The following MACROD2 variants were observed in gnomAD, a reference collection of about 807,000 sequenced individuals.
MACROD2 encodes mono-ADP ribosylhydrolase 2, also known as ADP-ribose glycohydrolase MACROD2.
MACROD2 carries 36 observed loss-of-function variants against 70.4 expected under a neutral mutation model. That is an observed-to-expected ratio of 0.51 (90% CI 0.39 to 0.68). The LOEUF is 0.68. MACROD2 is among the 30% of genes least tolerant of loss of function. The pLI is 0.00. For missense variants in MACROD2, 496 were observed against 538.4 expected, an observed-to-expected ratio of 0.92 and a Z score of 0.78; for synonymous variants, 172 against 178.8, an observed-to-expected ratio of 0.96 and a Z score of 0.30.
chr20:15,473,385 G>A (rs755958274), intron 7 of MACROD2, among the ~76,000 whole-genome samples: 23 of 152,122 alleles, frequency 1.5e-4, no homozygotes, highest in Middle Eastern at 3.2e-3. Context: ...ATTATAAGAG[G>A]CAAACATCTA....
Position 14,078,467 on chromosome 20 carries a change from C to T in MACROD2, c.164-7154C>T, listed in dbSNP as rs144110247. Reference sequence around the variant, plus strand: ...TATCCCCCAGGCTGGAGTACAATGGCGCGATCTCGGCTCACTGCAACCTCC... The same window carrying T: ...TATCCCCCAGGCTGGAGTACAATGGTGCGATCTCGGCTCACTGCAACCTCC... On this transcript the variant is annotated intron_variant, in intron 2 of 17. Coordinates refer to ENST00000684519, the MANE Select transcript of MACROD2 (RefSeq NM_001351661.2). Among the ~76,000 whole-genome samples the T allele has an allele frequency of 9.1e-3, 1,380 of 151,178 alleles. 9 individuals are homozygous for T. The highest frequency in any genetic ancestry group is 0.024 in the Middle Eastern group (7 of 294).
intron 3 of MACROD2, among the ~76,000 whole-genome samples, chr20:14,429,407 C>T (rs967542696): frequency 2.0e-5 from 3 of 152,096 alleles, no homozygotes; most frequent in African/African-American, 7.2e-5. Flanking sequence ...AAGCATACAG[C>T]CTGATAACCA....
intron 3 of MACROD2, among the ~76,000 whole-genome samples, chr20:14,469,731 G>T (rs1341808757): frequency 6.6e-6 from 1 of 151,576 alleles, no homozygotes; most frequent in East Asian, 2.0e-4. Flanking sequence ...CTATTGATAA[G>T]GTATCATGCT....
intron 5 of MACROD2, among the ~76,000 whole-genome samples, chr20:15,105,894 G>A (rs2075907081): frequency 1.3e-5 from 2 of 152,212 alleles, no homozygotes; most frequent in Non-Finnish European, 2.9e-5. Flanking sequence ...GAACAGCGTG[G>A]TGCCTATAGG....
At chr20:14,994,835 A>T (rs950556989) in intron 5 of MACROD2, among the ~76,000 whole-genome samples, 1 of 152,178 alleles carries the variant, frequency 6.6e-6, no homozygotes, top group African/African-American at 2.4e-5. Flanking sequence ...ATGTTCCATT[A>T]TGACTTAGAT....
At chr20:14,323,450 G>C in intron 3 of MACROD2, 1 of 152,184 alleles carries the variant, frequency 6.6e-6, no homozygotes, top group East Asian at 1.9e-4. Context: ...CAATCTGGAA[G>C]CTCTCCAAAT....
intron 3 of MACROD2, among the ~76,000 whole-genome samples, chr20:14,301,635 G>A (rs749775199): frequency 1.1e-4 from 17 of 152,054 alleles, no homozygotes; most frequent in Non-Finnish European, 1.8e-4. Context: ...AATGACCTTC[G>A]TGTCTATTGA....
chr20:14,559,680 C>T (rs899461308), intron 4 of MACROD2, among the ~76,000 whole-genome samples: 25 of 151,846 alleles, frequency 1.6e-4, no homozygotes, highest in African/African-American at 6.0e-4. Context: ...CTATAATTCT[C>T]ACACTTTTTT....
chr20:15,640,015 TAGAGAGAA>T (rs1174559846), intron 8 of MACROD2, among the ~76,000 whole-genome samples: 1 of 122,258 alleles, frequency 8.2e-6, no homozygotes, highest in African/African-American at 3.0e-5. Context: ...AAGGGGATGA[TAGAGAGAA>T]GGAGAGAGAA....
chr20:15,108,318 T>C (rs2075927563), intron 5 of MACROD2, among the ~76,000 whole-genome samples: 1 of 152,212 alleles, frequency 6.6e-6, no homozygotes. Flanking sequence ...TCTTATACTT[T>C]GACAAGCATT....
intron 5 of MACROD2, among the ~76,000 whole-genome samples, chr20:15,047,917 A>T (rs2123043787): frequency 6.6e-6 from 1 of 152,302 alleles, no homozygotes; most frequent in East Asian, 1.9e-4. Flanking sequence ...GACATTATGG[A>T]ACAGAGTTTA....
At chr20:15,984,631 TC>T (rs57030785) in intron 13 of MACROD2, among the ~76,000 whole-genome samples, 47,973 of 147,942 alleles carry the variant, frequency 0.32, 8,112 homozygotes, top group South Asian at 0.42. Context: ...AAATTTTGCC[TC>T]CCCCCCCCGC....
chr20:15,709,309 G>A (rs1431342459), intron 8 of MACROD2, among the ~76,000 whole-genome samples: 2 of 152,086 alleles, frequency 1.3e-5, no homozygotes, highest in African/African-American at 2.4e-5. Flanking sequence ...TGCTTTTCTG[G>A]GAAAATCTTT....
intron 4 of MACROD2, among the ~76,000 whole-genome samples, chr20:14,635,972 G>A (rs1368165442): frequency 6.6e-6 from 1 of 152,064 alleles, no homozygotes; most frequent in African/African-American, 2.4e-5. Context: ...AACTAAATTA[G>A]TCTAATGTTC....
intron 6 of MACROD2, among the ~76,000 whole-genome samples, chr20:15,289,715 TAA>T (rs2077524590): frequency 6.6e-6 from 1 of 152,212 alleles, no homozygotes; most frequent in South Asian, 2.1e-4. Flanking sequence ...ATGTGTACAC[TAA>T]AAAGAGCACT....
chr20:14,326,098 T>C lies in MACROD2; in HGVS notation c.272-167381T>C, dbSNP rs1356467951. 6.2e-7 allele frequency: 1 copy of C among 1,613,896 alleles called. No homozygotes were observed. ...GCATACTTTATAGGGTGAATCAGGC[T>C]CCAGGGCTGTGACCAAGTACTCACT... On this transcript the variant is annotated intron_variant, in intron 3 of 17. Transcript: ENST00000684519. This position sits in a 1 kb window ranked among gnomAD's most constrained non-coding sequence, Gnocchi z 5.5.
chr20:15,646,095 G>C (rs466727), intron 8 of MACROD2, among the ~76,000 whole-genome samples: 112,533 of 152,068 alleles, frequency 0.74, 42,314 homozygotes, highest in East Asian at 0.96. Flanking sequence ...GTGATTCACA[G>C]TGGACTGTCT....
At chr20:15,869,209 A>G (rs909424886) in intron 9 of MACROD2, among the ~76,000 whole-genome samples, 1 of 60,364 alleles carries the variant, frequency 1.7e-5, no homozygotes, top group African/African-American at 5.8e-5. Flanking sequence ...AATGTGATTA[A>G]CATATATATA....
chr20:15,567,470 G>T (rs979472097), intron 8 of MACROD2, among the ~76,000 whole-genome samples: 3 of 152,182 alleles, frequency 2.0e-5, no homozygotes, highest in African/African-American at 7.2e-5. Flanking sequence ...AATAGAGAAT[G>T]CGAATACCTC....
Sources: allele counts gnomAD v4.1 joint callset (sites outside exome capture counted in the v4.1 genomes callset), GRCh38; gene constraint gnomAD v4.1.1; non-coding constraint Gnocchi (gnomAD v3.1); transcripts MANE v1.5; gene names NCBI Gene and HGNC (gene_info 2026-07-23, HGNC 2026-07-21).